Variants in PPP1R12A observed in about 807,000 individuals in gnomAD.
PPP1R12A encodes the protein myosin binding subunit.
A neutral mutation model predicts 139.6 loss-of-function variants in PPP1R12A; 19 were observed. The ratio of observed to expected loss-of-function variants is 0.14; its 90% CI spans 0.09 to 0.20. The LOEUF is 0.20. Ranked by LOEUF, PPP1R12A falls within the 10% of genes least tolerant of loss-of-function variation. PPP1R12A has a pLI of 1.00. For synonymous variants in PPP1R12A, 427 were observed against 420.6 expected (o/e 1.02, Z -0.19); for missense variants, 925 against 1,211.5 (o/e 0.76, Z 3.51).
At chr12:79,870,868 G>C (rs536988777) in intron 2 of PPP1R12A, among the ~76,000 whole-genome samples, 177 of 152,258 alleles carry the variant, frequency 1.2e-3, no homozygotes, top group Non-Finnish European at 1.2e-3. Context: ...ATGGACAAAT[G>C]ACCAAGACCA....
At position 79,822,136 on chromosome 12, in the gene PPP1R12A, A is replaced by G; in HGVS notation, c.847T>C (p.Leu283=). 3.2e-6 allele frequency: 5 copies of G among 1,580,830 alleles called. No individual in the cohort carries two copies. The highest frequency in any genetic ancestry group is 2.6e-6 in the Non-Finnish European group (3 of 1,159,966). The change falls in exon 6 of 25, where the codon TTG becomes CTG. Residue 283 remains leucine, a synonymous_variant. Transcript: ENST00000450142. ...DEDILGYLEE[L]QKKQNLLHSE... is the part of the protein sequence containing the mutation. Reference sequence around the variant, plus strand: ...CATACCAGATTTTGTTTCTTTTGCAACTCTTCTAAATATCCTAAAATGTCT... The same window carrying G: ...CATACCAGATTTTGTTTCTTTTGCAGCTCTTCTAAATATCCTAAAATGTCT...
chr12:79,807,743 T>C (rs139668294), intron 11 of PPP1R12A, among the ~76,000 whole-genome samples: 299 of 152,086 alleles, frequency 2.0e-3, no homozygotes, highest in African/African-American at 5.8e-3. Flanking sequence ...ATTAAAAGTA[T>C]ATTAAAAAGT....
intron 1 of PPP1R12A, among the ~76,000 whole-genome samples, chr12:79,904,894 C>T (rs1885962615): frequency 6.6e-6 from 1 of 152,164 alleles, no homozygotes; most frequent in Admixed American, 6.6e-5. Context: ...TTATTCAAAA[C>T]ACACTGAAGC....
chr12:79,784,791 C>G (rs1211019287), intron 22 of PPP1R12A, among the ~76,000 whole-genome samples: 5 of 152,054 alleles, frequency 3.3e-5, no homozygotes, highest in African/African-American at 4.8e-5. Context: ...CGCCCACCAC[C>G]ACACCCAGCT....
At chr12:79,823,130 T>C (rs1876331714) in intron 5 of PPP1R12A, among the ~76,000 whole-genome samples, 1 of 152,122 alleles carries the variant, frequency 6.6e-6, no homozygotes, top group Non-Finnish European at 1.5e-5. Flanking sequence ...GAGAAAAATT[T>C]CAAAGAGCTG....
At chr12:79,902,726 T>C (rs964890174) in intron 1 of PPP1R12A, among the ~76,000 whole-genome samples, 1 of 152,186 alleles carries the variant, frequency 6.6e-6, no homozygotes, top group African/African-American at 2.4e-5. Flanking sequence ...AGGAGAAACC[T>C]ACATTTTTAT....
intron 12 of PPP1R12A, 47 bp downstream of exon 12, chr12:79,807,179 T>A (rs944389665): frequency 9.0e-7 from 1 of 1,113,966 alleles, no homozygotes; most frequent in African/African-American, 1.6e-5. Flanking sequence ...TTGCCTCATA[T>A]TTTTATAAAT....
In PPP1R12A at chr12:79,774,543, A is replaced by C. The variant is rs1352936129; in HGVS notation, c.*1386T>G. 6.6e-6 allele frequency: 1 copy of C among 152,200 alleles called. No homozygotes were observed. Among genetic ancestry groups the C allele is most frequent in the African/African-American group, 2.4e-5 (1 of 41,294 alleles). The allele number at this position is 152,200 out of a possible 1,614,324, so 9.4% of individuals were successfully genotyped here. On this transcript the variant is annotated 3_prime_UTR_variant, in exon 25 of 25. Transcript: ENST00000450142. ...CAGTTATGTGCCAGAAAGATGTAGTATTTTTTGCATGGTTTAATGAAAATA... is the reference window on the plus strand; with the variant it reads ...CAGTTATGTGCCAGAAAGATGTAGTCTTTTTTGCATGGTTTAATGAAAATA...
rs186457990 is a variant in PPP1R12A at position 79,838,661 on chromosome 12, C to T, written c.488-6170G>A. ...GGGGCCAATGTACAACTCAGGCCAT[C>T]GCTTCAGAGGATGCAAGCCCCAAGC... On this transcript the variant is annotated intron_variant, in intron 3 of 24. Coordinates refer to ENST00000450142, the MANE Select transcript of PPP1R12A (RefSeq NM_002480.3). Among the ~76,000 whole-genome samples, 7 of 152,314 alleles carry T rather than the reference C, an allele frequency of 4.6e-5. No homozygotes were observed. The East Asian group carries it at 7.7e-4, about 17-fold the overall frequency.
chr12:79,798,280 C>A (rs1256415281), intron 15 of PPP1R12A, among the ~76,000 whole-genome samples: 1 of 152,114 alleles, frequency 6.6e-6, no homozygotes, highest in Non-Finnish European at 1.5e-5. Context: ...AGGCTATGAG[C>A]AACCTTTACC....
At chr12:79,924,486 T>C (rs540720846) in intron 1 of PPP1R12A, among the ~76,000 whole-genome samples, 2 of 152,208 alleles carry the variant, frequency 1.3e-5, no homozygotes, top group Non-Finnish European at 2.9e-5. Context: ...TAGAATGCAG[T>C]GGCGTGATCA....
intron 2 of PPP1R12A, among the ~76,000 whole-genome samples, chr12:79,852,922 C>T (rs933396518): frequency 6.6e-6 from 1 of 152,188 alleles, no homozygotes; most frequent in Non-Finnish European, 1.5e-5. Context: ...GACAGAAGCT[C>T]CTCTTTACTC....
intron 2 of PPP1R12A, among the ~76,000 whole-genome samples, chr12:79,860,128 A>C (rs1008904960): frequency 6.6e-6 from 1 of 152,354 alleles, no homozygotes; most frequent in East Asian, 1.9e-4. Flanking sequence ...ATTCAAGATA[A>C]AAGCATGCCT....
intron 1 of PPP1R12A, among the ~76,000 whole-genome samples, chr12:79,897,663 G>A (rs538594131): frequency 1.2e-4 from 18 of 152,300 alleles, no homozygotes; most frequent in Admixed American, 4.6e-4. Flanking sequence ...ATGTTTCACT[G>A]TGAAGACCTT....
intron 2 of PPP1R12A, among the ~76,000 whole-genome samples, chr12:79,861,332 C>T (rs775614609): frequency 1.3e-5 from 2 of 152,160 alleles, no homozygotes; most frequent in African/African-American, 2.4e-5. Flanking sequence ...TATGTTCAAA[C>T]GGGAGTTACT....
At position 79,775,926 on chromosome 12, in the gene PPP1R12A, T is replaced by C; in HGVS notation, c.*3A>G. The C allele has an allele frequency of 6.4e-7, 1 of 1,563,960 alleles. No homozygotes were observed. The highest frequency in any genetic ancestry group is 1.9e-5 in the Admixed American group (1 of 53,400). The stretch of plus-strand genomic sequence containing the variant: ...ATTCCATTACTTGCTGCTTTTTTTT[T>C]TTTTATTTGGAAAGTTTGCTTATAA... On this transcript the variant is annotated 3_prime_UTR_variant, in exon 25 of 25. Transcript: ENST00000450142.
At chr12:79,903,696 C>T (rs1885844994) in intron 1 of PPP1R12A, among the ~76,000 whole-genome samples, 1 of 152,074 alleles carries the variant, frequency 6.6e-6, no homozygotes, top group Non-Finnish European at 1.5e-5. Flanking sequence ...GTGTCCATGT[C>T]TCGCTTTCTA....
intron 4 of PPP1R12A, 52 bp from the exon 5 acceptor site, chr12:79,828,516 T>G (rs1407069923): frequency 2.9e-6 from 4 of 1,388,898 alleles, no homozygotes; most frequent in Non-Finnish European, 3.9e-6. Flanking sequence ...AAATAAATGA[T>G]CATGATCAAA....
chr12:79,784,800 C>A (rs1257408874), intron 22 of PPP1R12A, among the ~76,000 whole-genome samples: 19 of 152,172 alleles, frequency 1.2e-4, no homozygotes, highest in Non-Finnish European at 4.4e-5. Flanking sequence ...CCACACCCAG[C>A]TATTTTTTCT....
Sources: allele counts gnomAD v4.1 joint callset (sites outside exome capture counted in the v4.1 genomes callset), GRCh38; gene constraint gnomAD v4.1.1; transcripts MANE v1.5; gene names NCBI Gene and HGNC (gene_info 2026-07-23, HGNC 2026-07-21).